The following DDX46 variants were observed in gnomAD, a reference collection of about 807,000 sequenced individuals.
DDX46 encodes DEAD-box helicase 46, also known as probable ATP-dependent RNA helicase DDX46.
Under a neutral mutation model 134.9 loss-of-function variants are expected in DDX46, and 30 were observed. The ratio of observed to expected loss-of-function variants is 0.22; its 90% CI spans 0.17 to 0.30. The LOEUF is 0.30. Among genes scored for constraint, DDX46 ranks in the 10% least tolerant of loss-of-function variants. The pLI, the probability that DDX46 is intolerant of heterozygous loss-of-function variation, is 1.00. For synonymous variants in DDX46, 415 were observed against 404.1 expected (o/e 1.03, Z -0.32); for missense variants, 622 against 1,248.7 (o/e 0.50, Z 7.56).
At chr5:134,802,601 T>C (rs1754866555) in intron 15 of DDX46, among the ~76,000 whole-genome samples, 1 of 152,154 alleles carries the variant, frequency 6.6e-6, no homozygotes, top group Admixed American at 6.6e-5. Context: ...ACAAATATGT[T>C]CTCTTTTAGA....
rs772483945 is a variant in DDX46, at chr5:134,827,027, G to A, written c.3051+7G>A. 3.1e-6 allele frequency: 5 copies of A among 1,609,384 alleles called. No individual in the cohort carries two copies. The South Asian group carries it at 4.4e-5, about 14-fold the overall frequency. ...AGAAGAGCTGATCCGGCTGGTGAGT[G>A]AAAACCTTAAAGTTTCGTTTGTTTT... On this transcript the variant is annotated splice_region_variant and intron_variant, in intron 22 of 22. Coordinates refer to ENST00000452510, the MANE Select transcript of DDX46 (RefSeq NM_001300860.2).
rs767887169 is a variant in DDX46, at chr5:134,781,145, A to G, written c.778A>G (p.Thr260Ala). The G allele has an allele frequency of 3.8e-6, 6 of 1,580,066 alleles. No individual in the cohort carries two copies. The highest frequency in any genetic ancestry group is 1.4e-5 in the African/African-American group (1 of 72,210). Residue 260 changes from threonine (T) to alanine (A), a missense_variant, in exon 7 of 23, where the codon ACG becomes GCG. Around this residue, in one of 8 missense-constraint regions of DDX46, gnomAD observed 244 missense variants for 349.3 expected, o/e 0.70. Transcript: ENST00000452510. ...GGGNEKKSGP[T>A]VTKVVTVVTT... ...TTCTTTATTTTAGAAGTCTGGGCCA[A>G]CGGTCACAAAAGTTGTCACTGTTGT...
chr5:134,816,474 A>T lies in DDX46; in HGVS notation c.2481A>T (p.Val827=). ...IESMFNSKKR[V]KDMAAPGTSS... ...GCATGTTTAATTCAAAGAAGAGAGT[A>T]AAGGATATGGCTGCTCCTGGAACAT... Residue 827 remains valine, a synonymous_variant, in exon 19 of 23, where the codon GTA becomes GTT. Transcript: ENST00000452510. 6.2e-7 allele frequency: 1 copy of T among 1,613,206 alleles called. No individual in the cohort carries two copies. Among genetic ancestry groups the T allele is most frequent in the Non-Finnish European group, 8.5e-7 (1 of 1,179,692 alleles).
intron 2 of DDX46, among the ~76,000 whole-genome samples, chr5:134,766,310 C>T (rs1753566052): frequency 1.3e-5 from 2 of 152,186 alleles, no homozygotes; most frequent in South Asian, 4.1e-4. Flanking sequence ...GTAATCCCAG[C>T]ACTTTGGGAG....
Position 134,782,029 on chromosome 5 carries a change from C to T in DDX46, c.988C>T (p.Pro330Ser). The change falls in exon 8 of 23, where the codon CCA becomes TCA. Residue 330 changes from proline (P) to serine (S), a missense_variant. Transcript: ENST00000452510. Reference sequence around the variant, plus strand: ...TGATCATGGAAAAATTGAGTATGAGCCATTTAGGAAAAACTTCTATGTTGA... The same window carrying T: ...TGATCATGGAAAAATTGAGTATGAGTCATTTAGGAAAAACTTCTATGTTGA... ...PVDHGKIEYE[P>S]FRKNFYVEVP... The T allele has an allele frequency of 6.2e-7, 1 of 1,601,906 alleles. No individual in the cohort carries two copies. Among genetic ancestry groups the T allele is most frequent in the Non-Finnish European group, 8.5e-7 (1 of 1,177,472 alleles).
intron 6 of DDX46, among the ~76,000 whole-genome samples, chr5:134,779,630 T>C (rs1286284258): frequency 6.6e-6 from 1 of 152,162 alleles, no homozygotes; most frequent in Non-Finnish European, 1.5e-5. Context: ...TTCTTAGTAG[T>C]TAGGACTACA....
intron 13 of DDX46, among the ~76,000 whole-genome samples, chr5:134,791,848 G>A (rs973714442): frequency 6.6e-6 from 1 of 152,196 alleles, no homozygotes; most frequent in Non-Finnish European, 1.5e-5. Context: ...CAGGATTATG[G>A]TAATGCTTGA....
chr5:134,793,168 G>A (rs1754556686), intron 13 of DDX46, among the ~76,000 whole-genome samples: 1 of 151,970 alleles, frequency 6.6e-6, no homozygotes, highest in South Asian at 2.1e-4. Context: ...AGAAAAAAGA[G>A]GAAAATTTCG....
rs552889621 is a variant in DDX46 at position 134,799,752 on chromosome 5, A to G, written c.1954+3602A>G. 2.1e-3 allele frequency among the ~76,000 whole-genome samples: 324 copies of G among 151,958 alleles called. 2 individuals are homozygous for G. The highest frequency in any genetic ancestry group is 6.7e-3 in the African/African-American group (279 of 41,486). On this transcript the variant is annotated intron_variant, in intron 15 of 22. Transcript: ENST00000452510. ...AGACTCCGTCTCAAGAAAAAAAAAA[A>G]AAAAACCCTAATCTGGGCACAGTGT...
At chr5:134,791,203 A>G (rs1754492801) in intron 13 of DDX46, among the ~76,000 whole-genome samples, 1 of 152,208 alleles carries the variant, frequency 6.6e-6, no homozygotes, top group South Asian at 2.1e-4. Context: ...TACGTTTACC[A>G]AAGTCATTCA....
chr5:134,809,470 C>T (rs1313831927), intron 16 of DDX46, among the ~76,000 whole-genome samples: 7 of 152,012 alleles, frequency 4.6e-5, no homozygotes, highest in Admixed American at 2.6e-4. Flanking sequence ...CAGGTTCAAA[C>T]GATTCTCCTG....
intron 13 of DDX46, among the ~76,000 whole-genome samples, chr5:134,792,164 G>A (rs1169784274): frequency 6.6e-6 from 1 of 151,988 alleles, no homozygotes; most frequent in East Asian, 1.9e-4. Flanking sequence ...GTGATAGAAC[G>A]AGACTTAGTC....
chr5:134,806,357 A>G (rs1364733624), intron 15 of DDX46, among the ~76,000 whole-genome samples: 1 of 152,214 alleles, frequency 6.6e-6, no homozygotes, highest in African/African-American at 2.4e-5. Flanking sequence ...GTATGTGAAC[A>G]AAATTGGGGT....
At chr5:134,816,804 A>G in intron 19 of DDX46, 198 bp downstream of exon 19, 2 of 552,526 alleles carry the variant, frequency 3.6e-6, no homozygotes, top group South Asian at 2.4e-5. Context: ...CTTTGGGCCT[A>G]TTCTGGAATT....
chr5:134,819,141 C>T, intron 21 of DDX46, 137 bp downstream of exon 21: 2 of 882,846 alleles, frequency 2.3e-6, no homozygotes, highest in Non-Finnish European at 3.2e-6. Flanking sequence ...AATCTTATGA[C>T]ATTTGAGGTC....
At chr5:134,772,703 C>T (rs962491146) in intron 4 of DDX46, among the ~76,000 whole-genome samples, 6 of 152,074 alleles carry the variant, frequency 3.9e-5, no homozygotes, top group African/African-American at 1.4e-4. Flanking sequence ...ATGGGGTTTC[C>T]CCCTGTTGGC....
chr5:134,803,767 T>C (rs147048662), intron 15 of DDX46, among the ~76,000 whole-genome samples: 53 of 152,278 alleles, frequency 3.5e-4, no homozygotes, highest in African/African-American at 1.2e-3. Context: ...TCCTACATTG[T>C]TGGGAATGTG....
At chr5:134,805,043 T>C in intron 15 of DDX46, 1 of 351,208 alleles carries the variant, frequency 2.8e-6, no homozygotes, top group Non-Finnish European at 5.6e-6. Flanking sequence ...GGTAAACAAT[T>C]CTATTACCAG....
chr5:134,827,723 A>G (rs1028391267), intron 22 of DDX46, among the ~76,000 whole-genome samples: 1 of 151,978 alleles, frequency 6.6e-6, no homozygotes, highest in East Asian at 1.9e-4. Flanking sequence ...GCAATAATTC[A>G]TTTTCATGGC....
Sources: gnomAD v4.1 joint callset for allele counts (sites outside exome capture counted in the v4.1 genomes callset) on GRCh38, gnomAD v4.1.1 for gene constraint, gnomAD v4.1.1 regional missense constraint, MANE v1.5 for transcripts, NCBI Gene and HGNC (gene_info 2026-07-23, HGNC 2026-07-21) for gene names.